RAD18: variants seen among roughly 807,000 people sequenced by gnomAD.
The protein encoded by RAD18 is RAD18 E3 ubiquitin protein ligase.
A neutral mutation model predicts 60.4 loss-of-function variants in RAD18; 47 were observed. That is an observed-to-expected ratio of 0.78 (90% confidence interval 0.62 to 0.99). The LOEUF (loss-of-function observed/expected upper bound fraction) is 0.99, where lower values mean the gene tolerates loss of function less well. RAD18 is among the 50% of genes least tolerant of loss of function. The pLI is 0.00. For missense variants in RAD18, 640 were observed against 593.3 expected (o/e 1.08, Z -0.82); for synonymous variants, 225 against 195.5 (o/e 1.15, Z -1.26).
intron 10 of RAD18, among the ~76,000 whole-genome samples, chr3:8,900,028 A>G (rs1289047147): frequency 2.0e-5 from 3 of 152,200 alleles, no homozygotes; most frequent in Admixed American, 2.0e-4. Flanking sequence ...GAAAGAACAT[A>G]ACAAATTCTT....
Position 8,963,405 on chromosome 3 carries a change from G to T in RAD18, c.-20C>A. On this transcript the variant is annotated 5_prime_UTR_variant, in exon 1 of 13. Coordinates refer to ENST00000264926, the MANE Select transcript of RAD18 (RefSeq NM_020165.4). ...GTCCATGGTCGCTCCCGAGGATGCT[G>T]GGGGTCAGCCACCCACTAGCCTCCG... 1 of 1,574,624 alleles carries T rather than the reference G, an allele frequency of 6.4e-7. No individual in the cohort carries two copies. Among genetic ancestry groups the T allele is most frequent in the African/African-American group, 1.4e-5 (1 of 73,064 alleles).
chr3:8,936,046 G>T lies in RAD18; in HGVS notation c.714C>A (p.His238Gln), dbSNP rs755879359. ...EKKESLRSSV[H>Q]KRKPLPKTVY... is the part of the protein sequence containing the mutation. ...CAGTTTTGGGCAGCGGCTTCCTTTT[G>T]TGAACAGAACTGAAAAGGGGGGAAG... The change falls in exon 7 of 13, where the codon CAC (histidine) becomes CAA (glutamine). Residue 238 changes from histidine (H) to glutamine (Q), a missense_variant. Transcript: ENST00000264926. 1 of 1,577,710 alleles carries T rather than the reference G, an allele frequency of 6.3e-7. No individual in the cohort carries two copies. Among genetic ancestry groups the T allele is most frequent in the Non-Finnish European group, 8.6e-7 (1 of 1,163,482 alleles).
chr3:8,894,057 G>T (rs1398095852), intron 11 of RAD18, among the ~76,000 whole-genome samples: 1 of 152,108 alleles, frequency 6.6e-6, no homozygotes, highest in African/African-American at 2.4e-5. Flanking sequence ...AAGGCTGAGA[G>T]AAATTAAAGT....
In RAD18 at chr3:8,877,282, G is replaced by T; in HGVS notation, c.*4075C>A. 1 of 154,714 alleles carries T rather than the reference G, an allele frequency of 6.5e-6. No individual in the cohort carries two copies. Among genetic ancestry groups the T allele is most frequent in the South Asian group, 1.8e-4 (1 of 5,468 alleles). 9.6% of individuals were successfully genotyped at this position (154,714 alleles called of 1,614,324 possible). A position where few individuals can be genotyped will look rare whatever the true frequency, so the allele number is the denominator to read the frequency against. On this transcript the variant is annotated 3_prime_UTR_variant, in exon 13 of 13. Coordinates refer to ENST00000264926, the MANE Select transcript of RAD18 (RefSeq NM_020165.4). ...ACTGGCAGATTCCGTGTCTGGTGAG[G>T]ACTGCTCTCTGCTTCCAAGATGGTG...
At chr3:8,891,494 C>A (rs1939692331) in intron 11 of RAD18, among the ~76,000 whole-genome samples, 1 of 152,168 alleles carries the variant, frequency 6.6e-6, no homozygotes, top group Admixed American at 6.5e-5. Flanking sequence ...ATTTGCAGTA[C>A]ACTAATGACA....
At chr3:8,910,544 C>T (rs1023355124) in intron 9 of RAD18, among the ~76,000 whole-genome samples, 2 of 151,564 alleles carry the variant, frequency 1.3e-5, no homozygotes, top group African/African-American at 4.9e-5. Context: ...GGAGGCAGAG[C>T]TTGCAGTGAG....
At chr3:8,882,384 C>A (rs188596286) in intron 12 of RAD18, among the ~76,000 whole-genome samples, 7 of 152,236 alleles carry the variant, frequency 4.6e-5, no homozygotes, top group African/African-American at 1.7e-4. Context: ...ACAGGAGGGG[C>A]AGTAAATCAT....
intron 7 of RAD18, among the ~76,000 whole-genome samples, chr3:8,918,805 G>C (rs760115335): frequency 1.3e-5 from 2 of 152,210 alleles, no homozygotes; most frequent in African/African-American, 2.4e-5. Context: ...TATTATCAGA[G>C]AGCAAGTGGG....
At position 8,912,300 on chromosome 3, in the gene RAD18, C is replaced by A; in HGVS notation, c.1027+12G>T. Reference sequence around the variant, plus strand: ...AAGCTCTTTACAAATTAAATAAAGTCGTGCAACTTACGATATTTACTGTGG... The same window carrying A: ...AAGCTCTTTACAAATTAAATAAAGTAGTGCAACTTACGATATTTACTGTGG... On this transcript the variant is annotated intron_variant, in intron 9 of 12. Transcript: ENST00000264926. The A allele has an allele frequency of 1.3e-6, 2 of 1,534,464 alleles. No homozygotes were observed. Among genetic ancestry groups the A allele is most frequent in the South Asian group, 2.5e-5 (2 of 79,756 alleles).
chr3:8,963,199 G>A (rs1001019621), intron 1 of RAD18, 136 bp downstream of exon 1: 7 of 984,094 alleles, frequency 7.1e-6, no homozygotes, highest in Non-Finnish European at 1.0e-5. Flanking sequence ...GCTAGTGGCA[G>A]GGCAGAGCCG....
At chr3:8,956,065 A>G (rs1186687966) in intron 2 of RAD18, among the ~76,000 whole-genome samples, 4 of 152,248 alleles carry the variant, frequency 2.6e-5, no homozygotes, top group Admixed American at 1.3e-4. Context: ...AGTTATGTAA[A>G]TGTGGTCTTT....
chr3:8,898,531 C>T (rs897537328), intron 11 of RAD18, among the ~76,000 whole-genome samples: 37 of 152,116 alleles, frequency 2.4e-4, no homozygotes, highest in African/African-American at 8.5e-4. Context: ...CATTTCTTAA[C>T]CCTCCTATGC....
Position 8,880,450 on chromosome 3 carries a change from T to A in RAD18, c.*907A>T, listed in dbSNP as rs1939437774. 6.6e-6 allele frequency: 1 copy of A among 152,226 alleles called. No homozygotes were observed. The allele number at this position is 152,226 out of a possible 1,614,324, so 9.4% of individuals were successfully genotyped here. A position where few individuals can be genotyped will look rare whatever the true frequency, so the allele number is the denominator to read the frequency against. ...AGGCATTAAGAACTCTGGAAGCATC[T>A]GGCTACTGGTAGACATTTTACACAG... is the stretch of plus-strand genomic sequence containing the variant. On this transcript the variant is annotated 3_prime_UTR_variant, in exon 13 of 13. Transcript: ENST00000264926.
At position 8,903,499 on chromosome 3, in the gene RAD18, C is replaced by T. The variant is rs1360959286; in HGVS notation, c.1028-979G>A. On this transcript the variant is annotated intron_variant, in intron 9 of 12. Transcript: ENST00000264926. ...TTTAAGATTCTAAGATCTCTCCCAA[C>T]CAATTCTACCTTATCTTACGATACT... is the stretch of plus-strand genomic sequence containing the variant. 2.0e-5 allele frequency among the ~76,000 whole-genome samples: 3 copies of T among 152,180 alleles called. No homozygotes were observed. The East Asian group carries it at 5.8e-4, about 29-fold the overall frequency.
At chr3:8,892,658 A>G (rs1007855522) in intron 11 of RAD18, among the ~76,000 whole-genome samples, 1 of 152,192 alleles carries the variant, frequency 6.6e-6, no homozygotes, top group Non-Finnish European at 1.5e-5. Context: ...TCTCTGACGG[A>G]AAGTAGCACA....
intron 7 of RAD18, among the ~76,000 whole-genome samples, chr3:8,917,814 A>G (rs1474955912): frequency 6.6e-6 from 1 of 152,306 alleles, no homozygotes; most frequent in South Asian, 2.1e-4. Context: ...TAAAACACCA[A>G]TTAAGAGACA....
chr3:8,906,393 C>T (rs1940001712), intron 9 of RAD18, among the ~76,000 whole-genome samples: 1 of 152,122 alleles, frequency 6.6e-6, no homozygotes. Flanking sequence ...CTCTCCTTAA[C>T]ACAGTAAAAC....
intron 4 of RAD18, among the ~76,000 whole-genome samples, chr3:8,945,120 T>C (rs1940818192): frequency 6.6e-6 from 1 of 152,226 alleles, no homozygotes; most frequent in Non-Finnish European, 1.5e-5. Flanking sequence ...CATATGCAAA[T>C]ACTATGCCAT....
chr3:8,933,216 T>C (rs1340930150), intron 7 of RAD18, among the ~76,000 whole-genome samples: 1 of 152,148 alleles, frequency 6.6e-6, no homozygotes. Flanking sequence ...AAATGCTACA[T>C]ACTATACAAT....
Sources: gnomAD v4.1 joint callset for allele counts (sites outside exome capture counted in the v4.1 genomes callset) on GRCh38, gnomAD v4.1.1 for gene constraint, MANE v1.5 for transcripts, NCBI Gene and HGNC (gene_info 2026-07-23, HGNC 2026-07-21) for gene names.